Variants in SLC9A9 observed in about 807,000 individuals in gnomAD.
SLC9A9 encodes sodium/hydrogen exchanger 9.
SLC9A9 carries 62 observed loss-of-function variants against 77.8 expected under a neutral mutation model. The ratio of observed to expected loss-of-function variants is 0.80; its 90% CI spans 0.65 to 0.98. SLC9A9 has a LOEUF of 0.98. Among genes scored for constraint, SLC9A9 ranks in the 50% least tolerant of loss-of-function variants. The pLI, the probability that SLC9A9 is intolerant of heterozygous loss-of-function variation, is 0.00. For synonymous variants in SLC9A9, 320 were observed against 283.5 expected (o/e 1.13, Z -1.29); for missense variants, 775 against 774.9 (o/e 1.00, Z 0.00).
intron 6 of SLC9A9, among the ~76,000 whole-genome samples, chr3:143,582,074 G>T (rs1012403333): frequency 2.6e-5 from 4 of 152,154 alleles, no homozygotes; most frequent in Admixed American, 6.5e-5. Context: ...GCTTGCAAAA[G>T]CTCGTTATCT....
chr3:143,276,015 C>G (rs1158654309), intron 14 of SLC9A9, among the ~76,000 whole-genome samples: 1 of 152,134 alleles, frequency 6.6e-6, no homozygotes, highest in Non-Finnish European at 1.5e-5. Context: ...GTTTCCCTCC[C>G]CAGCTGATCT....
intron 8 of SLC9A9, among the ~76,000 whole-genome samples, chr3:143,555,130 T>C (rs1226787037): frequency 6.6e-6 from 1 of 152,144 alleles, no homozygotes; most frequent in Non-Finnish European, 1.5e-5. Context: ...TGGGGGAAGC[T>C]TCCCTCATAC....
At chr3:143,517,500 C>T (rs1287382523) in intron 9 of SLC9A9, 2 of 1,597,810 alleles carry the variant, frequency 1.3e-6, no homozygotes, top group South Asian at 2.2e-5. Context: ...ATCTCTCGCT[C>T]TTCACGTTTT....
intron 12 of SLC9A9, among the ~76,000 whole-genome samples, chr3:143,395,863 G>A (rs1434522574): frequency 6.6e-6 from 1 of 152,114 alleles, no homozygotes; most frequent in Non-Finnish European, 1.5e-5. Flanking sequence ...CATCATCACT[G>A]GCCATCAGAG....
intron 4 of SLC9A9, among the ~76,000 whole-genome samples, chr3:143,702,477 GCAAA>G (rs1346233527): frequency 6.6e-6 from 1 of 151,988 alleles, no homozygotes; most frequent in African/African-American, 2.4e-5. Flanking sequence ...GTTTGCTTAT[GCAAA>G]CAGTGTTGTT....
At chr3:143,622,216 C>T (rs1226195088) in intron 6 of SLC9A9, among the ~76,000 whole-genome samples, 4 of 152,114 alleles carry the variant, frequency 2.6e-5, no homozygotes. Flanking sequence ...GGAGAACTTC[C>T]CCAATCTAGC....
chr3:143,336,900 A>C (rs2031940847), intron 14 of SLC9A9, among the ~76,000 whole-genome samples: 1 of 152,170 alleles, frequency 6.6e-6, no homozygotes, highest in Non-Finnish European at 1.5e-5. Flanking sequence ...TTACTACATT[A>C]ATATTTAAAA....
chr3:143,579,657 G>T (rs1433263825), intron 6 of SLC9A9, among the ~76,000 whole-genome samples: 1 of 151,986 alleles, frequency 6.6e-6, no homozygotes, highest in Non-Finnish European at 1.5e-5. Context: ...AAACTAATCA[G>T]GAAAAATCAA....
At chr3:143,409,114 G>T (rs2034043241) in intron 12 of SLC9A9, among the ~76,000 whole-genome samples, 1 of 152,180 alleles carries the variant, frequency 6.6e-6, no homozygotes, top group South Asian at 2.1e-4. Flanking sequence ...CCTGGAGCAT[G>T]AATTGGGCTT....
chr3:143,825,539 A>G (rs1377270143), intron 2 of SLC9A9, among the ~76,000 whole-genome samples: 1 of 152,216 alleles, frequency 6.6e-6, no homozygotes, highest in African/African-American at 2.4e-5. Flanking sequence ...TCCTTAAAGT[A>G]GCTCTAAAAT....
intron 4 of SLC9A9, among the ~76,000 whole-genome samples, chr3:143,766,885 G>C (rs1192260581): frequency 6.6e-6 from 1 of 152,150 alleles, no homozygotes; most frequent in African/African-American, 2.4e-5. Flanking sequence ...TAGACTGCAA[G>C]AGTTCTAAAG....
At chr3:143,350,538 A>G (rs1315176533) in intron 14 of SLC9A9, among the ~76,000 whole-genome samples, 3 of 152,186 alleles carry the variant, frequency 2.0e-5, no homozygotes, top group Non-Finnish European at 4.4e-5. Flanking sequence ...AACCCCAAGC[A>G]CACACAATAA....
intron 3 of SLC9A9, among the ~76,000 whole-genome samples, 155 bp from the exon 4 acceptor site, chr3:143,795,232 A>C (rs1018395041): frequency 8.0e-5 from 12 of 150,584 alleles, no homozygotes; most frequent in Non-Finnish European, 4.4e-5. Flanking sequence ...GCTAATAGGG[A>C]CTTAACTGAT....
intron 4 of SLC9A9, among the ~76,000 whole-genome samples, chr3:143,766,873 C>T (rs2007336066): frequency 6.6e-6 from 1 of 152,196 alleles, no homozygotes; most frequent in South Asian, 2.1e-4. Flanking sequence ...CATGCCCAGC[C>T]TTAGACTGCA....
intron 12 of SLC9A9, among the ~76,000 whole-genome samples, chr3:143,444,565 CAGAT>C (rs1174759869): frequency 5.3e-5 from 8 of 152,282 alleles, no homozygotes; most frequent in Middle Eastern, 3.4e-3. Flanking sequence ...TTAATAGTCT[CAGAT>C]AGTTTATTTT....
chr3:143,414,978 A>G (rs1559905862), intron 12 of SLC9A9, among the ~76,000 whole-genome samples: 1 of 152,238 alleles, frequency 6.6e-6, no homozygotes, highest in Non-Finnish European at 1.5e-5. Flanking sequence ...CGATGGCAAG[A>G]AAGTGAAACA....
chr3:143,369,960 C>T (rs2033009794), intron 13 of SLC9A9, among the ~76,000 whole-genome samples: 2 of 152,314 alleles, frequency 1.3e-5, no homozygotes, highest in South Asian at 2.1e-4. Flanking sequence ...GGCCTTCTGC[C>T]AACATGGAAG....
At chr3:143,357,023 G>T (rs1419191518) in intron 14 of SLC9A9, among the ~76,000 whole-genome samples, 1 of 152,202 alleles carries the variant, frequency 6.6e-6, no homozygotes, top group Non-Finnish European at 1.5e-5. Context: ...CCTCCCTACA[G>T]CCAGCTTCCC....
intron 9 of SLC9A9, among the ~76,000 whole-genome samples, chr3:143,512,957 C>G (rs1250771378): frequency 6.6e-6 from 1 of 152,212 alleles, no homozygotes. Flanking sequence ...AAAATGCTAA[C>G]AATCACCTGA....
Sources: gnomAD v4.1 joint callset for allele counts (sites outside exome capture counted in the v4.1 genomes callset) on GRCh38, gnomAD v4.1.1 for gene constraint, MANE v1.5 for transcripts, NCBI Gene and HGNC (gene_info 2026-07-23, HGNC 2026-07-21) for gene names.